GRID2: variants seen among roughly 807,000 people sequenced by gnomAD.
GRID2 encodes the protein glutamate ionotropic receptor delta type subunit 2, also known as glutamate receptor ionotropic, delta-2.
Under a neutral mutation model 114.8 loss-of-function variants are expected in GRID2, and 33 were observed. That is an observed-to-expected ratio of 0.29 (90% confidence interval 0.22 to 0.38). The LOEUF is 0.38. Among genes scored for constraint, GRID2 ranks in the 10% least tolerant of loss-of-function variants. The pLI is 1.00. For missense variants in GRID2, 1,184 were observed against 1,257.7 expected (o/e 0.94, Z 0.89); for synonymous variants, 505 against 449.9 (o/e 1.12, Z -1.55).
At chr4:92,975,318 T>G (rs764643366) in intron 2 of GRID2, among the ~76,000 whole-genome samples, 1 of 152,020 alleles carries the variant, frequency 6.6e-6, no homozygotes, top group Non-Finnish European at 1.5e-5. Flanking sequence ...TTTTCAAAAC[T>G]CTGTTATAAT....
chr4:93,635,481 C>T (rs1439627786), intron 14 of GRID2, among the ~76,000 whole-genome samples: 1 of 151,260 alleles, frequency 6.6e-6, no homozygotes, highest in Non-Finnish European at 1.5e-5. Flanking sequence ...AAATTGTTTT[C>T]TTTTCTCATA....
intron 1 of GRID2, among the ~76,000 whole-genome samples, chr4:92,530,095 TTACTC>T (rs535432062): frequency 5.3e-4 from 80 of 151,988 alleles, no homozygotes; most frequent in African/African-American, 1.8e-3. Flanking sequence ...TATCCTAACT[TTACTC>T]TAGGTACTGA....
At chr4:92,402,633 CA>C (rs1730841732) in intron 1 of GRID2, among the ~76,000 whole-genome samples, 1 of 152,134 alleles carries the variant, frequency 6.6e-6, no homozygotes, top group Admixed American at 6.5e-5. Context: ...GTTCACTTAA[CA>C]TATTCAGTAA....
At chr4:93,560,880 C>T (rs1193595329) in intron 13 of GRID2, among the ~76,000 whole-genome samples, 1 of 151,744 alleles carries the variant, frequency 6.6e-6, no homozygotes, top group African/African-American at 2.4e-5. Flanking sequence ...AATTTCAATG[C>T]TTTTGTGTTT....
At chr4:92,863,283 A>G (rs1339675854) in intron 2 of GRID2, among the ~76,000 whole-genome samples, 1 of 152,106 alleles carries the variant, frequency 6.6e-6, no homozygotes, top group East Asian at 1.9e-4. Flanking sequence ...CCTCTTAAAT[A>G]TAATTTTGCA....
At chr4:93,195,226 T>C (rs1209193454) in intron 4 of GRID2, among the ~76,000 whole-genome samples, 2 of 152,176 alleles carry the variant, frequency 1.3e-5, no homozygotes, top group Non-Finnish European at 2.9e-5. Context: ...AGGAGTTGAA[T>C]GCAGATGGCT....
chr4:92,905,432 A>G (rs1747873843), intron 2 of GRID2, among the ~76,000 whole-genome samples: 1 of 151,406 alleles, frequency 6.6e-6, no homozygotes, highest in South Asian at 2.1e-4. Flanking sequence ...AATAAACTAA[A>G]TAACTACATT....
intron 11 of GRID2, among the ~76,000 whole-genome samples, chr4:93,485,625 A>T (rs888495870): frequency 1.3e-5 from 2 of 151,778 alleles, no homozygotes; most frequent in Non-Finnish European, 2.9e-5. Flanking sequence ...CTACTTAATG[A>T]AAAGACCTCC....
chr4:93,738,636 A>G (rs1014957617), intron 14 of GRID2, among the ~76,000 whole-genome samples: 6 of 152,038 alleles, frequency 3.9e-5, no homozygotes, highest in African/African-American at 1.4e-4. Context: ...GTGGAAGGAG[A>G]CTCCATTTAT....
rs139623375 is a variant in GRID2, at chr4:92,595,243, A to C, written c.244+4957A>C. Among the ~76,000 whole-genome samples, 303 of 152,116 alleles carry C rather than the reference A, an allele frequency of 2.0e-3. 1 individual carries two copies. The highest frequency in any genetic ancestry group is 7.0e-3 in the African/African-American group (290 of 41,562). On this transcript the variant is annotated intron_variant, in intron 2 of 15. Coordinates refer to ENST00000282020, the MANE Select transcript of GRID2 (RefSeq NM_001510.4). ...TTTTTTATGTATTGCAAAACATTAT[A>C]AACAATATCATTATAATTTAAAAAC...
intron 8 of GRID2, among the ~76,000 whole-genome samples, chr4:93,283,018 A>G (rs1462670520): frequency 6.6e-6 from 1 of 151,960 alleles, no homozygotes; most frequent in Non-Finnish European, 1.5e-5. Flanking sequence ...TTATGACCTA[A>G]ACAGCTCCCA....
At chr4:92,738,741 T>C (rs544859209) in intron 2 of GRID2, among the ~76,000 whole-genome samples, 2 of 152,204 alleles carry the variant, frequency 1.3e-5, no homozygotes, top group African/African-American at 4.8e-5. Context: ...AGCACTGAAC[T>C]CCTAGGCTTA....
At chr4:92,522,284 GCAGGGGTCACTCCATTATAGTAAA>G (rs1724825114) in intron 1 of GRID2, among the ~76,000 whole-genome samples, 1 of 151,856 alleles carries the variant, frequency 6.6e-6, no homozygotes, top group South Asian at 2.1e-4. Context: ...CAATAAGGAG[GCAGGGGTCACTCCATTATAGTAAA>G]CAGGGAAAAA....
intron 8 of GRID2, among the ~76,000 whole-genome samples, chr4:93,304,684 G>A (rs1484073832): frequency 1.3e-5 from 2 of 151,896 alleles, no homozygotes; most frequent in African/African-American, 2.4e-5. Flanking sequence ...AAACAAATAG[G>A]ACACCAGTAG....
chr4:92,608,870 G>C (rs1008493416), intron 2 of GRID2, among the ~76,000 whole-genome samples: 2 of 151,750 alleles, frequency 1.3e-5, no homozygotes, highest in African/African-American at 4.8e-5. Flanking sequence ...TTTGTTAATC[G>C]TTCATTTATT....
At chr4:92,586,593 A>G (rs1441035086) in intron 1 of GRID2, among the ~76,000 whole-genome samples, 4 of 151,996 alleles carry the variant, frequency 2.6e-5, no homozygotes, top group Non-Finnish European at 5.9e-5. Context: ...GAATTTTCAA[A>G]GGGCATACCT....
chr4:92,380,488 C>T (rs889077320), intron 1 of GRID2, among the ~76,000 whole-genome samples: 1 of 151,832 alleles, frequency 6.6e-6, no homozygotes, highest in African/African-American at 2.4e-5. Context: ...CCCCCAACTC[C>T]ACCTCTACAT....
intron 2 of GRID2, among the ~76,000 whole-genome samples, chr4:92,721,819 A>G (rs886594098): frequency 2.6e-5 from 4 of 152,208 alleles, no homozygotes; most frequent in African/African-American, 9.6e-5. Context: ...AGGCTAAAGA[A>G]CTGGATGACA....
At chr4:93,104,280 A>C (rs1731985471) in intron 3 of GRID2, among the ~76,000 whole-genome samples, 1 of 152,146 alleles carries the variant, frequency 6.6e-6, no homozygotes, top group Non-Finnish European at 1.5e-5. Flanking sequence ...TAGAGGCTTA[A>C]ACAACACAAG....
Sources: allele counts gnomAD v4.1 joint callset (sites outside exome capture counted in the v4.1 genomes callset), GRCh38; gene constraint gnomAD v4.1.1; transcripts MANE v1.5; gene names NCBI Gene and HGNC (gene_info 2026-07-23, HGNC 2026-07-21).